The following HYOU1 variants were observed in gnomAD, a reference collection of about 807,000 sequenced individuals.
HYOU1 encodes hypoxia up-regulated 1.
In HYOU1, 40 loss-of-function variants were observed where a neutral mutation model predicts 120.5. That is an observed-to-expected ratio of 0.33 (90% CI 0.26 to 0.43). HYOU1 has a LOEUF of 0.43. Ranked by LOEUF, HYOU1 falls within the 20% of genes least tolerant of loss-of-function variation. The pLI, the probability that HYOU1 is intolerant of heterozygous loss-of-function variation, is 1.00. For synonymous variants in HYOU1, 501 were observed against 479.4 expected (o/e 1.05, Z -0.59); for missense variants, 1,085 against 1,278.3 (o/e 0.85, Z 2.31).
intron 14 of HYOU1, among the ~76,000 whole-genome samples, chr11:119,050,806 T>G (rs1360370979): frequency 6.8e-6 from 1 of 146,706 alleles, no homozygotes; most frequent in Non-Finnish European, 1.5e-5. Flanking sequence ...TTACAATGCC[T>G]ATATCAAACC....
intron 14 of HYOU1, 103 bp downstream of exon 14, chr11:119,050,932 C>G: frequency 7.2e-7 from 1 of 1,385,592 alleles, no homozygotes; most frequent in Non-Finnish European, 9.9e-7. Context: ...ATTCCTAAAC[C>G]TTTTTTGGTT....
rs2133581980 is a variant in HYOU1 at position 119,051,008 on chromosome 11, GCA to G, written c.1665+25_1665+26del. 6.2e-7 allele frequency: 1 copy of G among 1,613,646 alleles called. No homozygotes were observed. The highest frequency in any genetic ancestry group is 1.1e-5 in the South Asian group (1 of 91,050). On this transcript the variant is annotated intron_variant, in intron 14 of 25. Coordinates refer to ENST00000617285, the MANE Select transcript of HYOU1 (RefSeq NM_006389.5). This position sits in a 1 kb window ranked among gnomAD's most constrained non-coding sequence, Gnocchi z 4.2. ...CTGGCAGGGCCTGAGCCCCTGCTCT[GCA>G]CACAGGGTATCCTTTAGCTCTCACC...
intron 8 of HYOU1, chr11:119,053,659 T>C (rs150732884): frequency 2.0e-5 from 3 of 153,382 alleles, no homozygotes; most frequent in Admixed American, 2.0e-4. Context: ...TAAGAGGTGA[T>C]GGTAACTTGG....
rs2133566683 is a variant in HYOU1 at position 119,048,721 on chromosome 11, C to T, written c.2158G>A (p.Val720Met). The change falls in exon 18 of 26, where the codon GTG becomes ATG. Residue 720 changes from valine (V) to methionine (M), a missense_variant. Coordinates refer to ENST00000617285, the MANE Select transcript of HYOU1 (RefSeq NM_006389.5). The surrounding 1 kb of genome is among the most constrained non-coding windows in gnomAD (Gnocchi z 4.7). ...CCAGCTGTCCTCACTTACTTCTGCA[C>T]CGACTGAGCCAGCTTATCCTCTGGC... ...DLPEDKLAQS[V>M]QKLQDLTLRD... 1.2e-5 allele frequency: 19 copies of T among 1,610,152 alleles called. No individual in the cohort carries two copies. Among genetic ancestry groups the T allele is most frequent in the South Asian group, 7.7e-5 (7 of 90,448 alleles).
chr11:119,055,267 C>G lies in HYOU1; in HGVS notation c.337G>C (p.Val113Leu). The part of the protein sequence containing the change: ...LLGKQADNPH[V>L]ALYQARFPEH... Reference sequence around the variant, plus strand: ...GGGAAGCGGGCCTGGTAAAGAGCTACATGGGGGTTATCTGCCTGCTTCCCC... The same window carrying G: ...GGGAAGCGGGCCTGGTAAAGAGCTAGATGGGGGTTATCTGCCTGCTTCCCC... The change falls in exon 5 of 26, where the codon GTA (valine) becomes CTA (leucine). Residue 113 changes from valine (V) to leucine (L), a missense_variant. By Grantham distance (32) the Val-to-Leu change is conservative (BLOSUM62 1). Coordinates refer to ENST00000617285, the MANE Select transcript of HYOU1 (RefSeq NM_006389.5). This position sits in a 1 kb window ranked among gnomAD's most constrained non-coding sequence, Gnocchi z 4.0. The G allele has an allele frequency of 6.2e-7, 1 of 1,614,148 alleles. No homozygotes were observed. The highest frequency in any genetic ancestry group is 1.1e-5 in the South Asian group (1 of 91,086).
Position 119,054,141 on chromosome 11 carries a change from C to G in HYOU1, c.774G>C (p.Gln258His), listed in dbSNP as rs2133603058. Residue 258 changes from glutamine (Q) to histidine (H), a missense_variant, in exon 8 of 26, where the codon CAG becomes CAC. Physicochemically the swap from Gln to His is conservative, Grantham distance 24 (BLOSUM62 0). Coordinates refer to ENST00000617285, the MANE Select transcript of HYOU1 (RefSeq NM_006389.5). ...VKTKEAGMQP[Q>H]LQIRGVGFDR... is the part of the protein sequence containing the mutation. ...CTTACCCTACTCCCCGGATCTGCAG[C>G]TGTGGCTGCATCCCAGCTTCCTTAG... 6.2e-7 allele frequency: 1 copy of G among 1,613,212 alleles called. No homozygotes were observed. The highest frequency in any genetic ancestry group is 8.5e-7 in the Non-Finnish European group (1 of 1,179,122).
At position 119,056,176 on chromosome 11, in the gene HYOU1, G is replaced by A. The variant is rs887802634; in HGVS notation, c.-7-9C>T. On this transcript the variant is annotated splice_polypyrimidine_tract_variant and intron_variant, in intron 1 of 25. Transcript: ENST00000617285. ...TGTCTGCCATAGTGCCCCTGGGGGA[G>A]GCGAAGAAAGAAAACACTTAAAACT... 2.5e-6 allele frequency: 4 copies of A among 1,603,086 alleles called. No individual in the cohort carries two copies.
At position 119,047,597 on chromosome 11, in the gene HYOU1, C is replaced by G. The variant is rs1406446956; in HGVS notation, c.2595+137G>C. 4.0e-6 allele frequency: 3 copies of G among 747,300 alleles called. No homozygotes were observed. In the African/African-American group the frequency reaches 5.2e-5, roughly 13 times the overall value. The allele number at this position is 747,300 out of a possible 1,614,324, so 46.3% of individuals were successfully genotyped here. ...GCTTGGGACTAATCAGAGGTGGGCTCAAATACAAACATCTTTTGTCTTCAG... is the reference window on the plus strand; with the variant it reads ...GCTTGGGACTAATCAGAGGTGGGCTGAAATACAAACATCTTTTGTCTTCAG... On this transcript the variant is annotated intron_variant, in intron 22 of 25. Coordinates refer to ENST00000617285, the MANE Select transcript of HYOU1 (RefSeq NM_006389.5).
At position 119,044,330 on chromosome 11, in the gene HYOU1, G is replaced by A. The variant is rs1321994884; in HGVS notation, c.*1263C>T. 7.1e-6 allele frequency: 1 copy of A among 141,480 alleles called. No individual in the cohort carries two copies. 8.8% of individuals were successfully genotyped at this position (141,480 alleles called of 1,614,324 possible). A position where few individuals can be genotyped will look rare whatever the true frequency, so the allele number is the denominator to read the frequency against. On this transcript the variant is annotated 3_prime_UTR_variant, in exon 26 of 26. Transcript: ENST00000617285. ...AGAGGTGGGGGTGGGGTGAGGGGTG[G>A]GACCCTTAGGTCCCATCTCTGCCAA... is the stretch of plus-strand genomic sequence containing the variant.
In HYOU1 at chr11:119,045,514, TC is replaced by T; in HGVS notation, c.*78del. ...TCCAGCCGAGGGCAGGACCAACCCCTCCCCCAACCCTCGATGTTAAATAAAT... is the reference window on the plus strand; with the variant it reads ...TCCAGCCGAGGGCAGGACCAACCCCTCCCCAACCCTCGATGTTAAATAAAT... On this transcript the variant is annotated 3_prime_UTR_variant, in exon 26 of 26. Transcript: ENST00000617285. 7.7e-7 allele frequency: 1 copy of T among 1,295,204 alleles called. No homozygotes were observed. The highest frequency in any genetic ancestry group is 1.1e-6 in the Non-Finnish European group (1 of 890,594). The allele number at this position is 1,295,204 out of a possible 1,614,324, so 80.2% of individuals were successfully genotyped here. A position where few individuals can be genotyped will look rare whatever the true frequency, so the allele number is the denominator to read the frequency against.
Position 119,049,545 on chromosome 11 carries a change from C to G in HYOU1, c.1806+11G>C, listed in dbSNP as rs2133573937. On this transcript the variant is annotated intron_variant, in intron 16 of 25. Coordinates refer to ENST00000617285, the MANE Select transcript of HYOU1 (RefSeq NM_006389.5). Reference sequence around the variant, plus strand: ...GTCCTCCATGCTTCCCTGGCTCCATCCTGAACTCACCTGGACAGTATCAGT... The same window carrying G: ...GTCCTCCATGCTTCCCTGGCTCCATGCTGAACTCACCTGGACAGTATCAGT... 1 of 1,613,960 alleles carries G rather than the reference C, an allele frequency of 6.2e-7. No homozygotes were observed. The highest frequency in any genetic ancestry group is 1.1e-5 in the South Asian group (1 of 91,080).
Position 119,045,657 on chromosome 11 carries a change from G to A in HYOU1, c.2939-3C>T, listed in dbSNP as rs1415232838. Reference sequence around the variant, plus strand: ...CGATTGTTCTTTCTGTTCAGGTTCTGTTGGGAGTTTGGGGGAGCAAAGGAA... The same window carrying A: ...CGATTGTTCTTTCTGTTCAGGTTCTATTGGGAGTTTGGGGGAGCAAAGGAA... On this transcript the variant is annotated splice_polypyrimidine_tract_variant and splice_region_variant and intron_variant, in intron 25 of 25. Coordinates refer to ENST00000617285, the MANE Select transcript of HYOU1 (RefSeq NM_006389.5). 6.2e-7 allele frequency: 1 copy of A among 1,614,226 alleles called. No individual in the cohort carries two copies. Among genetic ancestry groups the A allele is most frequent in the East Asian group, 2.2e-5 (1 of 44,886 alleles).
chr11:119,048,313 T>A lies in HYOU1; in HGVS notation c.2311A>T (p.Ile771Phe). The A allele has an allele frequency of 6.2e-7, 1 of 1,610,886 alleles. No individual in the cohort carries two copies. Among genetic ancestry groups the A allele is most frequent in the Middle Eastern group, 1.7e-4 (1 of 5,774 alleles). The change falls in exon 20 of 26, where the codon ATC (isoleucine) becomes TTC (phenylalanine). Residue 771 changes from isoleucine to phenylalanine, a missense_variant. Ile to Phe is a conservative substitution (Grantham distance 21). Transcript: ENST00000617285. The surrounding 1 kb of genome is among the most constrained non-coding windows in gnomAD (Gnocchi z 4.7). ...EVSTEEQREE[I>F]SGKLSAASTW... ...GATGCGGCGCTGAGCTTCCCAGAGA[T>A]CTCCTCACGCTGCTCCTCTGTGGAC...
rs1944202673 is a variant in HYOU1 at position 119,048,237 on chromosome 11, A to G, written c.2376+11T>C. On this transcript the variant is annotated intron_variant, in intron 20 of 25. Transcript: ENST00000617285. The surrounding 1 kb of genome is among the most constrained non-coding windows in gnomAD (Gnocchi z 4.7). ...CCCACTCCACCTGCCATGTCCTGAG[A>G]GGCCCCTCACCACTGTGGTGGCTCC... The G allele has an allele frequency of 6.2e-7, 1 of 1,610,384 alleles. No homozygotes were observed. The highest frequency in any genetic ancestry group is 8.5e-7 in the Non-Finnish European group (1 of 1,179,592).
intron 1 of HYOU1, chr11:119,056,682 T>C: frequency 3.5e-6 from 1 of 285,526 alleles, no homozygotes; most frequent in South Asian, 3.2e-5. Context: ...CTGCGGGTTG[T>C]CCCGCCCCCT....
chr11:119,054,480 C>A lies in HYOU1; in HGVS notation c.678+14G>T, dbSNP rs1448062834. The A allele has an allele frequency of 6.2e-7, 1 of 1,613,548 alleles. No individual in the cohort carries two copies. The highest frequency in any genetic ancestry group is 1.7e-5 in the Admixed American group (1 of 60,012). The stretch of plus-strand genomic sequence containing the variant: ...AGTCACCCTGCATGTCTGGTCAAGG[C>A]TCCCCTGGCTCACCTGGGCAGTGGT... On this transcript the variant is annotated intron_variant, in intron 7 of 25. Transcript: ENST00000617285.
Position 119,055,564 on chromosome 11 carries a change from G to C in HYOU1, c.193C>G (p.Arg65Gly). Residue 65 changes from arginine to glycine, a missense_variant, in exon 4 of 26, where the codon CGG (arginine) becomes GGG (glycine). This residue lies in a region of HYOU1 where 9 missense variants were observed against 34.3 expected (regional missense o/e 0.26). Coordinates refer to ENST00000617285, the MANE Select transcript of HYOU1 (RefSeq NM_006389.5). This position sits in a 1 kb window ranked among gnomAD's most constrained non-coding sequence, Gnocchi z 4.0. ...GTCACGATCACCGGTGTTTTCCTCC[G>C]AGATTCCCTGAGGAAAAGAGATTTT... is the stretch of plus-strand genomic sequence containing the variant. ...PMEIVLNKES[R>G]RKTPVIVTLK... 2 of 1,613,978 alleles carry C rather than the reference G, an allele frequency of 1.2e-6. No homozygotes were observed. Among genetic ancestry groups the C allele is most frequent in the Non-Finnish European group, 1.7e-6 (2 of 1,179,914 alleles).
At chr11:119,050,828 C>G (rs1404351531) in intron 14 of HYOU1, among the ~76,000 whole-genome samples, 1 of 149,958 alleles carries the variant, frequency 6.7e-6, no homozygotes, top group African/African-American at 2.4e-5. Flanking sequence ...TTCAATAGTT[C>G]CAAGAAATTT....
rs2133591717 is a variant in HYOU1, at chr11:119,052,282, C to T, written c.1122+13G>A. On this transcript the variant is annotated intron_variant, in intron 10 of 25. Coordinates refer to ENST00000617285, the MANE Select transcript of HYOU1 (RefSeq NM_006389.5). The surrounding 1 kb of genome is among the most constrained non-coding windows in gnomAD (Gnocchi z 5.0). ...TTCCTACGGGGCATTCCCGCCTTCC[C>T]CTACTCGCTCACCAGACTCATTTCG... 1.2e-6 allele frequency: 2 copies of T among 1,614,216 alleles called. No individual in the cohort carries two copies. Among genetic ancestry groups the T allele is most frequent in the South Asian group, 1.1e-5 (1 of 91,078 alleles).
Sources: allele counts gnomAD v4.1 joint callset (sites outside exome capture counted in the v4.1 genomes callset), GRCh38; gene constraint gnomAD v4.1.1; regional missense constraint gnomAD v4.1.1; non-coding constraint Gnocchi (gnomAD v3.1); transcripts MANE v1.5; gene names NCBI Gene and HGNC (gene_info 2026-07-23, HGNC 2026-07-21).